Variants in GLIS3 observed in about 807,000 individuals in gnomAD.
The protein encoded by GLIS3 is zinc finger protein GLIS3.
In GLIS3, 53 loss-of-function variants were observed where a neutral mutation model predicts 78.6. The ratio of observed to expected loss-of-function variants is 0.67; its 90% CI spans 0.54 to 0.85. GLIS3 has a LOEUF of 0.85. GLIS3 is among the 40% of genes least tolerant of loss of function. GLIS3 has a pLI of 0.00. For missense variants in GLIS3, 1,703 were observed against 1,231.1 expected, an observed-to-expected ratio of 1.38 and a Z score of -5.74; for synonymous variants, 684 against 509.9, an observed-to-expected ratio of 1.34 and a Z score of -4.60.
chr9:4,385,036 G>C, the GLIS3 span, among the ~76,000 whole-genome samples: 1 of 152,312 alleles, frequency 6.6e-6, no homozygotes, highest in Admixed American at 6.5e-5. Flanking sequence ...TTTAGAAGTT[G>C]CTTGTAAAAC....
At chr9:3,974,894 A>C (rs1259194497) in intron 4 of GLIS3, among the ~76,000 whole-genome samples, 2 of 152,122 alleles carry the variant, frequency 1.3e-5, no homozygotes, top group African/African-American at 4.8e-5. Flanking sequence ...TCAGGAATCA[A>C]AAAGCACCAG....
chr9:3,995,203 T>A (rs1366262137), intron 4 of GLIS3, among the ~76,000 whole-genome samples: 2 of 152,148 alleles, frequency 1.3e-5, no homozygotes, highest in Non-Finnish European at 2.9e-5. Context: ...ATGAGTCTCT[T>A]AAGGATTTTT....
At chr9:4,290,851 G>C (rs919400380) in intron 1 of GLIS3, among the ~76,000 whole-genome samples, 2 of 152,116 alleles carry the variant, frequency 1.3e-5, no homozygotes, top group African/African-American at 4.8e-5. Context: ...TGTGAAACTG[G>C]AGGATATTAT....
intron 2 of GLIS3, among the ~76,000 whole-genome samples, chr9:4,244,840 T>C (rs908136786): frequency 1.3e-5 from 2 of 152,204 alleles, no homozygotes; most frequent in Admixed American, 6.5e-5. Flanking sequence ...CCTCCCAAAA[T>C]GCTGAGATTA....
chr9:3,934,634 C>G (rs936448116), intron 5 of GLIS3, among the ~76,000 whole-genome samples: 1 of 152,206 alleles, frequency 6.6e-6, no homozygotes, highest in Non-Finnish European at 1.5e-5. Context: ...GTCTCGAACT[C>G]CTGATCTCAG....
chr9:4,464,803 G>C, the GLIS3 span, among the ~76,000 whole-genome samples: 3 of 152,142 alleles, frequency 2.0e-5, no homozygotes, highest in East Asian at 5.8e-4. Flanking sequence ...AATTGTAAAG[G>C]TTGTATGCAG....
chr9:4,196,151 G>C (rs974795556), intron 2 of GLIS3, among the ~76,000 whole-genome samples: 2 of 151,786 alleles, frequency 1.3e-5, no homozygotes, highest in African/African-American at 4.8e-5. Context: ...TGGGGACTTG[G>C]AGAACTTTTA....
intron 2 of GLIS3, among the ~76,000 whole-genome samples, chr9:4,193,047 C>G (rs1343076139): frequency 6.6e-6 from 1 of 152,264 alleles, no homozygotes. Context: ...TAAGGTAAGC[C>G]TTATTCTTGT....
chr9:4,405,121 G>A, the GLIS3 span, among the ~76,000 whole-genome samples: 14 of 152,076 alleles, frequency 9.2e-5, no homozygotes, highest in African/African-American at 1.9e-4. Context: ...TTGGGAGGCC[G>A]AGGAGGGTGG....
chr9:4,194,707 C>A (rs117826793), intron 2 of GLIS3, among the ~76,000 whole-genome samples: 4,083 of 152,248 alleles, frequency 0.027, 66 homozygotes, highest in Non-Finnish European at 0.04. Flanking sequence ...GTGAGTGAAG[C>A]CCCAGTACCT....
chr9:4,034,388 T>C (rs1196510776), intron 4 of GLIS3: 3 of 152,218 alleles, frequency 2.0e-5, no homozygotes, highest in Non-Finnish European at 4.4e-5. Flanking sequence ...CCTGGTATGT[T>C]TTCCCCCTTG....
intron 2 of GLIS3, among the ~76,000 whole-genome samples, chr9:4,213,321 G>C (rs370102722): frequency 6.6e-6 from 1 of 152,136 alleles, no homozygotes. Context: ...ATCTGGGCTA[G>C]TAGCCTCTCC....
chr9:4,146,574 A>G (rs953541760), intron 2 of GLIS3, among the ~76,000 whole-genome samples: 4 of 152,212 alleles, frequency 2.6e-5, no homozygotes, highest in African/African-American at 4.8e-5. Flanking sequence ...TCACAAATAC[A>G]TAAGATTGAA....
chr9:4,240,807 A>G lies in GLIS3; in HGVS notation c.388+45231T>C, dbSNP rs578125344. Among the ~76,000 whole-genome samples the G allele has an allele frequency of 6.6e-5, 10 of 152,306 alleles. No homozygotes were observed. In the East Asian group the frequency reaches 1.7e-3, roughly 26 times the overall value. On this transcript the variant is annotated intron_variant, in intron 2 of 10. Coordinates refer to ENST00000381971, the MANE Select transcript of GLIS3 (RefSeq NM_001042413.2). ...AATCTGTACAACAAACCCTCATGAT[A>G]TAAGTTTACCTGTGTAACAAACCTG...
chr9:4,465,068 C>T, the GLIS3 span, among the ~76,000 whole-genome samples: 1 of 152,210 alleles, frequency 6.6e-6, no homozygotes, highest in Non-Finnish European at 1.5e-5. Flanking sequence ...TTTATATTTG[C>T]ATACTTAACC....
At chr9:4,273,017 G>C (rs552171617) in intron 2 of GLIS3, among the ~76,000 whole-genome samples, 1 of 152,160 alleles carries the variant, frequency 6.6e-6, no homozygotes, top group South Asian at 2.1e-4. Flanking sequence ...GTGTATTGTG[G>C]TTTACATTTG....
rs1261783244 is a variant in GLIS3 at position 4,118,927 on chromosome 9, T to C, written c.597-46A>G. On this transcript the variant is annotated intron_variant, in intron 3 of 10. Coordinates refer to ENST00000381971, the MANE Select transcript of GLIS3 (RefSeq NM_001042413.2). The surrounding 1 kb of genome is among the most constrained non-coding windows in gnomAD (Gnocchi z 4.7). ...GAAGAAAAAAAAAAGATAAACATTT[T>C]AGCAGGATACGGATTGCTTAAGAGC... 1.3e-6 allele frequency: 2 copies of C among 1,578,004 alleles called. No individual in the cohort carries two copies. The highest frequency in any genetic ancestry group is 1.8e-5 in the Admixed American group (1 of 56,614).
intron 2 of GLIS3, among the ~76,000 whole-genome samples, chr9:4,155,605 T>C (rs1421723947): frequency 1.3e-5 from 2 of 152,222 alleles, no homozygotes; most frequent in Non-Finnish European, 2.9e-5. Flanking sequence ...GGTTATCTTT[T>C]AACCAAAAGC....
Position 4,282,951 on chromosome 9 carries a change from T to C in GLIS3, c.388+3087A>G, listed in dbSNP as rs529572726. ...CTTCATCTCTTACCACTGTTTTCTGTACCCCTACCTATGTGGAACCAGGTG... is the reference window on the plus strand; with the variant it reads ...CTTCATCTCTTACCACTGTTTTCTGCACCCCTACCTATGTGGAACCAGGTG... On this transcript the variant is annotated intron_variant, in intron 2 of 10. Transcript: ENST00000381971. Among the ~76,000 whole-genome samples the C allele has an allele frequency of 1.2e-4, 19 of 152,222 alleles. No individual in the cohort carries two copies. The South Asian group carries it at 2.7e-3, about 22-fold the overall frequency.
Sources: allele counts gnomAD v4.1 joint callset (sites outside exome capture counted in the v4.1 genomes callset), GRCh38; gene constraint gnomAD v4.1.1; non-coding constraint Gnocchi (gnomAD v3.1); transcripts MANE v1.5; gene names NCBI Gene and HGNC (gene_info 2026-07-23, HGNC 2026-07-21).